The following ELP4 variants were observed in gnomAD, a reference collection of about 807,000 sequenced individuals.
ELP4 encodes the protein elongator acetyltransferase complex subunit 4, also known as elongator complex protein 4.
Under a neutral mutation model 48.9 loss-of-function variants are expected in ELP4, and 51 were observed. The ratio of observed to expected loss-of-function variants is 1.04; its 90% confidence interval spans 0.83 to 1.32. The LOEUF is 1.32. ELP4 is among the 40% of genes most tolerant of loss of function. The pLI is 0.00. For synonymous variants in ELP4, 210 were observed against 189.2 expected (o/e 1.11, Z -0.90); for missense variants, 519 against 514.6 (o/e 1.01, Z -0.08).
At chr11:31,576,245 C>A (rs1191138793) in intron 3 of ELP4, among the ~76,000 whole-genome samples, 1 of 152,192 alleles carries the variant, frequency 6.6e-6, no homozygotes, top group Non-Finnish European at 1.5e-5. Flanking sequence ...AGCTAACTAT[C>A]CTAAATGTAT....
chr11:31,625,889 ACT>A (rs1386392908), intron 5 of ELP4, among the ~76,000 whole-genome samples: 1 of 151,824 alleles, frequency 6.6e-6, no homozygotes, highest in African/African-American at 2.4e-5. Flanking sequence ...ACGTTTCCAC[ACT>A]CATGAAAAAA....
intron 3 of ELP4, among the ~76,000 whole-genome samples, chr11:31,579,623 A>C (rs1412575018): frequency 4.6e-5 from 7 of 152,152 alleles, no homozygotes; most frequent in Admixed American, 4.6e-4. Context: ...GGATGAGTTC[A>C]TGTCCTTTAT....
chr11:31,784,446 A>G lies in ELP4; in HGVS notation c.*922A>G, dbSNP rs891372075. On this transcript the variant is annotated 3_prime_UTR_variant, in exon 10 of 10. Coordinates refer to ENST00000640961, the MANE Select transcript of ELP4 (RefSeq NM_019040.5). The stretch of plus-strand genomic sequence containing the variant: ...CATATCGAACCAGTTTTCATATGAA[A>G]CATTAGGTGTTTTAATTACAATTCT... The G allele has an allele frequency of 3.3e-5, 5 of 152,146 alleles. No homozygotes were observed. Among genetic ancestry groups the G allele is most frequent in the Admixed American group, 6.5e-5 (1 of 15,278 alleles). 9.4% of individuals were successfully genotyped at this position (152,146 alleles called of 1,614,324 possible). A position where few individuals can be genotyped will look rare whatever the true frequency, so the allele number is the denominator to read the frequency against.
At chr11:31,626,248 C>T (rs1000617811) in intron 5 of ELP4, among the ~76,000 whole-genome samples, 5 of 151,814 alleles carry the variant, frequency 3.3e-5, no homozygotes, top group African/African-American at 1.2e-4. Context: ...TATGTGATTG[C>T]TTACTTAGGA....
intron 9 of ELP4, among the ~76,000 whole-genome samples, chr11:31,768,430 A>G (rs562128120): frequency 1.3e-5 from 2 of 152,340 alleles, no homozygotes; most frequent in Non-Finnish European, 2.9e-5. Context: ...TTATAAACTC[A>G]GTAGAGAGAA....
intron 9 of ELP4, among the ~76,000 whole-genome samples, chr11:31,745,600 A>T (rs1421255665): frequency 6.6e-6 from 1 of 152,214 alleles, no homozygotes; most frequent in African/African-American, 2.4e-5. Context: ...ATCAACAACT[A>T]TCTGATCTTT....
At chr11:31,515,053 A>ATATATG (rs139261349) in intron 1 of ELP4, among the ~76,000 whole-genome samples, 3 of 149,136 alleles carry the variant, frequency 2.0e-5, no homozygotes, top group African/African-American at 7.4e-5. Context: ...ATATATATAT[A>ATATATG]TATGTATAGG....
chr11:31,743,730 T>G (rs1947512680), intron 9 of ELP4, among the ~76,000 whole-genome samples: 1 of 151,602 alleles, frequency 6.6e-6, no homozygotes, highest in Non-Finnish European at 1.5e-5. Context: ...CCAGAATCTC[T>G]GGGACACATT....
chr11:31,673,516 A>G (rs931431976), intron 9 of ELP4, among the ~76,000 whole-genome samples: 1 of 151,944 alleles, frequency 6.6e-6, no homozygotes, highest in African/African-American at 2.4e-5. Context: ...TTTTGTAGAG[A>G]TGGAGTCTCG....
chr11:31,575,152 T>C (rs1247933126), intron 3 of ELP4, among the ~76,000 whole-genome samples: 3 of 152,172 alleles, frequency 2.0e-5, no homozygotes, highest in Non-Finnish European at 4.4e-5. Flanking sequence ...TGCATAAGCT[T>C]CAGTAGCCAA....
intron 7 of ELP4, among the ~76,000 whole-genome samples, chr11:31,636,230 G>A (rs1592178789): frequency 6.6e-6 from 1 of 151,974 alleles, no homozygotes; most frequent in Non-Finnish European, 1.5e-5. Context: ...TAGTATATGT[G>A]AGTATATGAA....
intron 5 of ELP4, among the ~76,000 whole-genome samples, chr11:31,616,208 T>C (rs1751943587): frequency 6.6e-6 from 1 of 151,982 alleles, no homozygotes. Flanking sequence ...TAAAACATTG[T>C]GGTATAAAGT....
chr11:31,530,817 T>G (rs1956384773), intron 2 of ELP4, among the ~76,000 whole-genome samples: 1 of 152,152 alleles, frequency 6.6e-6, no homozygotes, highest in Non-Finnish European at 1.5e-5. Context: ...TCACCATCAC[T>G]GTTTTTGAAG....
chr11:31,647,775 C>A lies in ELP4; in HGVS notation c.962C>A (p.Ser321Ter). Residue 321 changes from serine (S) to a stop codon, truncating the protein, a stop_gained, in exon 8 of 10, where the codon TCA becomes TAA. Transcript: ENST00000640961. LOFTEE classifies it high-confidence loss of function. ...KAIIARVTTL[S>*]DVVVGLESFI... Reference sequence around the variant, plus strand: ...ATTATTGCCCGTGTCACAACCTTGTCAGATGTAGTAGTTGGTCTGGAATCA... The same window carrying A: ...ATTATTGCCCGTGTCACAACCTTGTAAGATGTAGTAGTTGGTCTGGAATCA... 6.2e-7 allele frequency: 1 copy of A among 1,609,472 alleles called. No individual in the cohort carries two copies. The highest frequency in any genetic ancestry group is 8.5e-7 in the Non-Finnish European group (1 of 1,176,776).
chr11:31,641,295 A>G (rs1296808857), intron 7 of ELP4, among the ~76,000 whole-genome samples: 9 of 151,806 alleles, frequency 5.9e-5, no homozygotes, highest in Non-Finnish European at 1.3e-4. Context: ...ATTACGGGGC[A>G]TTATGCAGAG....
chr11:31,647,649 C>G, intron 7 of ELP4, 92 bp from the exon 8 acceptor site: 1 of 776,242 alleles, frequency 1.3e-6, no homozygotes, highest in Non-Finnish European at 2.2e-6. Context: ...ATCTCCACTA[C>G]AGTTTTTCAT....
intron 9 of ELP4, among the ~76,000 whole-genome samples, chr11:31,696,195 C>A (rs1457702403): frequency 6.6e-6 from 1 of 151,992 alleles, no homozygotes; most frequent in Non-Finnish European, 1.5e-5. Flanking sequence ...TTAGTTATTT[C>A]TTGCCTTCTG....
intron 9 of ELP4, among the ~76,000 whole-genome samples, chr11:31,778,299 AGAAGCAGGGACT>A (rs543122577): frequency 4.4e-4 from 67 of 152,350 alleles, no homozygotes; most frequent in African/African-American, 1.6e-3. Context: ...TTAAAACCTC[AGAAGCAGGGACT>A]GCAGTTGCAC....
intron 9 of ELP4, among the ~76,000 whole-genome samples, chr11:31,745,077 G>A (rs1209192430): frequency 6.6e-6 from 1 of 152,150 alleles, no homozygotes; most frequent in Admixed American, 6.5e-5. Context: ...AAACTCACAA[G>A]CATTCTTATA....
Sources: gnomAD v4.1 joint callset for allele counts (sites outside exome capture counted in the v4.1 genomes callset) on GRCh38, gnomAD v4.1.1 for gene constraint, MANE v1.5 for transcripts, NCBI Gene and HGNC (gene_info 2026-07-23, HGNC 2026-07-21) for gene names.